PGK1: variants seen among roughly 807,000 people sequenced by gnomAD.
PGK1 encodes phosphoglycerate kinase 1, also known as PRP 2.
Under a neutral mutation model 26.9 loss-of-function variants are expected in PGK1, and 3 were observed. That is an observed-to-expected ratio of 0.11 (90% CI 0.05 to 0.29). The LOEUF is 0.29. Ranked by LOEUF, PGK1 falls within the 10% of genes least tolerant of loss-of-function variation. PGK1 has a pLI of 1.00. For synonymous variants in PGK1, 125 were observed against 115.3 expected (o/e 1.08, Z -0.54); for missense variants, 270 against 314.7 (o/e 0.86, Z 1.07).
At chrX:78,121,386 T>C (rs1333146124) in intron 6 of PGK1, among the ~76,000 whole-genome samples, 4 of 112,088 alleles carry the variant, frequency 3.6e-5, no homozygotes, top group Non-Finnish European at 7.5e-5. Flanking sequence ...AACTGCTTTC[T>C]TCCCTTTGTG....
At chrX:78,125,083 A>G (rs782173677) in intron 9 of PGK1, 32 bp downstream of exon 9, 4 of 1,129,323 alleles carry the variant, frequency 3.5e-6, no homozygotes, top group Middle Eastern at 2.4e-4. Flanking sequence ...TAATACCCAT[A>G]TAAGCTGGCA....
chrX:78,126,348 A>G lies in PGK1; in HGVS notation c.*518A>G. On this transcript the variant is annotated 3_prime_UTR_variant, in exon 11 of 11. Transcript: ENST00000373316. ...CTTGAGGAACGGATCAGATGTCTAT[A>G]TTGCTGAATGCAAGAAGTGGGGCAG... 1 of 119,755 alleles carries G rather than the reference A, an allele frequency of 8.4e-6. No individual in the cohort carries two copies. Among genetic ancestry groups the G allele is most frequent in the Middle Eastern group, 4.3e-3 (1 of 231 alleles). The allele number at this position is 119,755 out of a possible 1,213,427, so 9.9% of individuals were successfully genotyped here.
In PGK1 at chrX:78,123,134, G is replaced by A. The variant is rs782235404; in HGVS notation, c.757-61G>A. On this transcript the variant is annotated intron_variant, in intron 7 of 10. Transcript: ENST00000373316. Reference sequence around the variant, plus strand: ...ATTGTGTCTGGTTCCTGTCTGCTTTGTGAGGCAGTCTTGTTCTTAGTATAG... The same window carrying A: ...ATTGTGTCTGGTTCCTGTCTGCTTTATGAGGCAGTCTTGTTCTTAGTATAG... 2.0e-4 allele frequency: 180 copies of A among 917,333 alleles called. No individual in the cohort carries two copies. The African/African-American group carries it at 3.3e-3, about 17-fold the overall frequency. The allele number at this position is 917,333 out of a possible 1,213,427, so 75.6% of individuals were successfully genotyped here.
rs188642051 is a variant in PGK1, at chrX:78,126,913, A to G, written c.*1083A>G. The G allele has an allele frequency of 3.5e-5, 4 of 112,852 alleles. No individual in the cohort carries two copies. The highest frequency in any genetic ancestry group is 9.4e-5 in the Admixed American group (1 of 10,676). 9.3% of individuals were successfully genotyped at this position (112,852 alleles called of 1,213,427 possible). On this transcript the variant is annotated 3_prime_UTR_variant, in exon 11 of 11. Transcript: ENST00000373316. ...ATTCATTCCCAAATCTTCTAGAAGC[A>G]TAAGTGTCTCAATATATTAAAACAT... is the stretch of plus-strand genomic sequence containing the variant.
At chrX:78,114,998 T>G (rs1557247329) in intron 4 of PGK1, among the ~76,000 whole-genome samples, 1 of 112,054 alleles carries the variant, frequency 8.9e-6, no homozygotes, top group African/African-American at 3.2e-5. Flanking sequence ...AGTGTCTCAG[T>G]CTCCTTTGGC....
rs782560170 is a variant in PGK1, at chrX:78,122,960, A to G, written c.756+11A>G. ...CTCAACAACATGGAGGTAGGAAACA[A>G]ATGCCAAGTGGATGTGAAATAGCTC... On this transcript the variant is annotated intron_variant, in intron 7 of 10. Coordinates refer to ENST00000373316, the MANE Select transcript of PGK1 (RefSeq NM_000291.4). 17 of 971,721 alleles carry G rather than the reference A, an allele frequency of 1.7e-5. No individual in the cohort carries two copies. Among genetic ancestry groups the G allele is most frequent in the Non-Finnish European group, 2.4e-5 (16 of 676,156 alleles). 80.1% of individuals were successfully genotyped at this position (971,721 alleles called of 1,213,427 possible).
At chrX:78,116,734 G>C (rs1373454383) in intron 4 of PGK1, among the ~76,000 whole-genome samples, 1 of 112,335 alleles carries the variant, frequency 8.9e-6, no homozygotes, top group Non-Finnish European at 1.9e-5. Flanking sequence ...TATATTTCTT[G>C]TTTTCTCAGA....
intron 9 of PGK1, 30 bp from the exon 10 acceptor site, chrX:78,125,297 T>C: frequency 9.1e-7 from 1 of 1,093,097 alleles, no homozygotes; most frequent in Non-Finnish European, 1.3e-6. Flanking sequence ...TTTCTCTCTT[T>C]TCCCTTTTTA....
intron 6 of PGK1, among the ~76,000 whole-genome samples, chrX:78,120,831 A>G (rs868987325): frequency 8.9e-6 from 1 of 111,866 alleles, no homozygotes; most frequent in African/African-American, 3.3e-5. Context: ...GACATCATAT[A>G]CTTTCACTTA....
At chrX:78,105,205 C>T (rs1441636331) in intron 1 of PGK1, among the ~76,000 whole-genome samples, 1 of 112,277 alleles carries the variant, frequency 8.9e-6, no homozygotes, top group East Asian at 2.8e-4. Flanking sequence ...GCATGTGGAT[C>T]TCTAGTCACT....
At chrX:78,116,321 A>G (rs900379474) in intron 4 of PGK1, among the ~76,000 whole-genome samples, 1 of 112,204 alleles carries the variant, frequency 8.9e-6, no homozygotes, top group African/African-American at 3.2e-5. Context: ...TACATGTGTC[A>G]TCTTCCAATC....
At chrX:78,104,657 C>T (rs1431406257) in intron 1 of PGK1, among the ~76,000 whole-genome samples, 2 of 111,250 alleles carry the variant, frequency 1.8e-5, no homozygotes, top group Non-Finnish European at 3.8e-5. Flanking sequence ...CCGCTGGGAC[C>T]CATTTTGTCC....
intron 10 of PGK1, 58 bp downstream of exon 10, chrX:78,125,483 G>A (rs2078378664): frequency 1.3e-6 from 1 of 797,434 alleles, no homozygotes; most frequent in Non-Finnish European, 1.9e-6. Flanking sequence ...GCAGTGAGAG[G>A]TGGGTAGAAT....
chrX:78,118,828 A>G (rs1354234635), intron 6 of PGK1, among the ~76,000 whole-genome samples: 1 of 110,703 alleles, frequency 9.0e-6, no homozygotes, highest in Non-Finnish European at 1.9e-5. Context: ...TCTGGTAGGG[A>G]GGGGGAGCCA....
chrX:78,115,664 CA>C (rs1172980827), intron 4 of PGK1, among the ~76,000 whole-genome samples: 1 of 111,644 alleles, frequency 9.0e-6, no homozygotes, highest in Non-Finnish European at 1.9e-5. Context: ...AAAAAAACCA[CA>C]AAAACAAAGT....
intron 1 of PGK1, chrX:78,106,383 T>C (rs112399863): frequency 5.5e-5 from 41 of 744,637 alleles, no homozygotes; most frequent in South Asian, 6.9e-5. Context: ...CTTCTACTTA[T>C]TTAGGCTGAG....
At chrX:78,123,473 T>C (rs1481409331) in intron 8 of PGK1, 99 bp downstream of exon 8, 1 of 660,945 alleles carries the variant, frequency 1.5e-6, no homozygotes, top group Admixed American at 2.6e-5. Flanking sequence ...TAAAACAATC[T>C]CTATAGGAGA....
chrX:78,126,028 A>G lies in PGK1; in HGVS notation c.*198A>G. On this transcript the variant is annotated 3_prime_UTR_variant, in exon 11 of 11. Transcript: ENST00000373316. ...ACCCTGGATTTGCATACATTCTTCA[A>G]GATCCCATTTGAATTTTTTAGTGAC... 4.2e-6 allele frequency: 2 copies of G among 472,823 alleles called. No individual in the cohort carries two copies. The highest frequency in any genetic ancestry group is 6.2e-5 in the South Asian group (2 of 32,437). 39.0% of individuals were successfully genotyped at this position (472,823 alleles called of 1,213,427 possible).
In PGK1 at chrX:78,119,500, A is replaced by G. The variant is rs892623629; in HGVS notation, c.641+1330A>G. 7.2e-5 allele frequency among the ~76,000 whole-genome samples: 8 copies of G among 111,394 alleles called. No individual in the cohort carries two copies. In the South Asian group the frequency reaches 1.9e-3, roughly 26 times the overall value. On this transcript the variant is annotated intron_variant, in intron 6 of 10. Coordinates refer to ENST00000373316, the MANE Select transcript of PGK1 (RefSeq NM_000291.4). ...TTTCCCCCAGGGGAGTGAACATACT[A>G]TCTCCTGATGAAAATTGACTCTGGA...
Sources: allele counts gnomAD v4.1 joint callset (sites outside exome capture counted in the v4.1 genomes callset), GRCh38; gene constraint gnomAD v4.1.1; transcripts MANE v1.5; gene names NCBI Gene and HGNC (gene_info 2026-07-23, HGNC 2026-07-21).